The following TBC1D19 variants were observed in gnomAD, a reference collection of about 807,000 sequenced individuals.
TBC1D19 encodes TBC1 domain family, member 19.
In TBC1D19, 60 loss-of-function variants were observed where a neutral mutation model predicts 89.0. That is an observed-to-expected ratio of 0.67 (90% CI 0.55 to 0.84). The LOEUF is 0.84. Among genes scored for constraint, TBC1D19 ranks in the 40% least tolerant of loss-of-function variants. TBC1D19 has a pLI of 0.00. For missense variants in TBC1D19, 500 were observed against 610.8 expected (o/e 0.82, Z 1.91); for synonymous variants, 189 against 199.7 (o/e 0.95, Z 0.45).
At chr4:26,769,810 A>C in the TBC1D19 span, among the ~76,000 whole-genome samples, 1 of 152,088 alleles carries the variant, frequency 6.6e-6, no homozygotes, top group Non-Finnish European at 1.5e-5. Context: ...AGCCTCCAGA[A>C]GTGCTGGGAT....
At chr4:26,677,264 A>T (rs528575184) in intron 11 of TBC1D19, among the ~76,000 whole-genome samples, 285 of 151,324 alleles carry the variant, frequency 1.9e-3, no homozygotes, top group African/African-American at 6.6e-3. Flanking sequence ...TGCCTGGATT[A>T]AAAAAAAACA....
chr4:26,616,712 TTTC>T (rs1741724680), intron 3 of TBC1D19, among the ~76,000 whole-genome samples: 1 of 152,186 alleles, frequency 6.6e-6, no homozygotes, highest in Non-Finnish European at 1.5e-5. Context: ...TTTTAGTCAG[TTTC>T]TTATTTAACA....
chr4:26,682,702 G>C (rs1713461874), intron 11 of TBC1D19, among the ~76,000 whole-genome samples: 1 of 152,156 alleles, frequency 6.6e-6, no homozygotes, highest in Non-Finnish European at 1.5e-5. Flanking sequence ...TGCATCTCTT[G>C]TTAGCATAAC....
At chr4:26,592,697 GACAA>G (rs1418684980) in intron 1 of TBC1D19, among the ~76,000 whole-genome samples, 3 of 150,784 alleles carry the variant, frequency 2.0e-5, no homozygotes, top group Non-Finnish European at 4.5e-5. Flanking sequence ...ACCAATAACA[GACAA>G]ACAGAGAGCC....
the TBC1D19 span, among the ~76,000 whole-genome samples, chr4:26,800,690 T>A: frequency 6.6e-6 from 1 of 152,246 alleles, no homozygotes; most frequent in African/African-American, 2.4e-5. Context: ...TTTTTAATGA[T>A]CCTCATTCTA....
chr4:26,659,621 A>G lies in TBC1D19; in HGVS notation c.505A>G (p.Asn169Asp). The G allele has an allele frequency of 6.3e-7, 1 of 1,589,312 alleles. No homozygotes were observed. Among genetic ancestry groups the G allele is most frequent in the Non-Finnish European group, 8.6e-7 (1 of 1,163,054 alleles). The change falls in exon 8 of 21, where the codon AAT becomes GAT. Residue 169 changes from asparagine to aspartate, a missense_variant. By Grantham distance (23) the Asn-to-Asp change is conservative. Coordinates refer to ENST00000264866, the MANE Select transcript of TBC1D19 (RefSeq NM_018317.4). The part of the protein sequence containing the change: ...LEVLINLRNP[N>D]YENGDSLSFR... ...GGTATTAATTAATCTTCGCAACCCA[A>G]ATTATGAAAACGGTGATTCTCTTAG...
At chr4:26,673,446 T>TATATGCACACACACAC (rs373807642) in intron 10 of TBC1D19, among the ~76,000 whole-genome samples, 1 of 90,884 alleles carries the variant, frequency 1.1e-5, no homozygotes, top group African/African-American at 4.3e-5. Context: ...TATATATATA[T>TATATGCACACACACAC]ACACACACAC....
At position 26,613,197 on chromosome 4, in the gene TBC1D19, T is replaced by A. The variant is rs758594752; in HGVS notation, c.128T>A (p.Leu43His). 5 of 1,580,644 alleles carry A rather than the reference T, an allele frequency of 3.2e-6. No homozygotes were observed. The South Asian group carries it at 5.9e-5, about 19-fold the overall frequency. ...WASLQRPEIKLESLKEDIKEF... is the reference protein window; with the variant it reads ...WASLQRPEIKHESLKEDIKEF... ...AGTCTTCAGAGACCTGAGATTAAACTTGAATCACTGAAAGAAGATATTAAG... is the reference window on the plus strand; with the variant it reads ...AGTCTTCAGAGACCTGAGATTAAACATGAATCACTGAAAGAAGATATTAAG... The change falls in exon 2 of 21, where the codon CTT (leucine) becomes CAT (histidine). Residue 43 changes from leucine (L) to histidine (H), a missense_variant. Leu to His is a moderately conservative substitution (Grantham distance 99, BLOSUM62 -3). Around this residue, in one of 2 missense-constraint regions of TBC1D19, gnomAD observed 280 missense variants for 291.7 expected, o/e 0.96. Transcript: ENST00000264866.
the TBC1D19 span, among the ~76,000 whole-genome samples, chr4:26,767,732 G>A: frequency 6.6e-6 from 1 of 152,144 alleles, no homozygotes; most frequent in African/African-American, 2.4e-5. Flanking sequence ...GCTAAATTTT[G>A]TTATAGCAGC....
chr4:26,628,130 T>G (rs1742552981), intron 4 of TBC1D19, among the ~76,000 whole-genome samples: 1 of 152,184 alleles, frequency 6.6e-6, no homozygotes, highest in Non-Finnish European at 1.5e-5. Context: ...CCAGCATCAT[T>G]TATTAAATAG....
intron 15 of TBC1D19, among the ~76,000 whole-genome samples, chr4:26,725,570 C>A (rs1717260212): frequency 6.6e-6 from 1 of 152,098 alleles, no homozygotes; most frequent in Non-Finnish European, 1.5e-5. Flanking sequence ...CACCACCATG[C>A]TGGGCTGATT....
chr4:26,840,448 C>A, the TBC1D19 span, among the ~76,000 whole-genome samples: 1 of 151,828 alleles, frequency 6.6e-6, no homozygotes, highest in Non-Finnish European at 1.5e-5. Context: ...TCACTGTAGA[C>A]CTCCGAGGAG....
intron 8 of TBC1D19, among the ~76,000 whole-genome samples, chr4:26,662,406 CA>C (rs1745273836): frequency 6.6e-6 from 1 of 151,556 alleles, no homozygotes; most frequent in Non-Finnish European, 1.5e-5. Context: ...GAAGATGAAG[CA>C]AAAAGCCAAA....
chr4:26,669,974 A>G (rs143767455), intron 9 of TBC1D19, among the ~76,000 whole-genome samples: 89 of 151,820 alleles, frequency 5.9e-4, no homozygotes, highest in Middle Eastern at 3.4e-3. Context: ...ATAACTGAGA[A>G]GAACCAGTTA....
intron 17 of TBC1D19, 63 bp downstream of exon 17, chr4:26,740,036 T>C (rs111287110): frequency 9.2e-7 from 1 of 1,092,204 alleles, no homozygotes; most frequent in Non-Finnish European, 1.3e-6. Context: ...TTCTTTCTGT[T>C]AAGAAAAAGT....
the TBC1D19 span, among the ~76,000 whole-genome samples, chr4:26,846,832 A>G: frequency 6.6e-6 from 1 of 151,722 alleles, no homozygotes; most frequent in Non-Finnish European, 1.5e-5. Flanking sequence ...ACTGCCAACC[A>G]CTCTTATTGA....
At chr4:26,747,212 G>C (rs1718698794) in intron 18 of TBC1D19, among the ~76,000 whole-genome samples, 1 of 152,044 alleles carries the variant, frequency 6.6e-6, no homozygotes, top group Non-Finnish European at 1.5e-5. Flanking sequence ...TTTCTATATT[G>C]GTGGGTGGGG....
the TBC1D19 span, among the ~76,000 whole-genome samples, chr4:26,762,007 A>G: frequency 6.6e-6 from 1 of 152,126 alleles, no homozygotes; most frequent in African/African-American, 2.4e-5. Flanking sequence ...ATGGTGGCAC[A>G]TGCCTGTAAT....
At chr4:26,791,756 A>G in the TBC1D19 span, among the ~76,000 whole-genome samples, 1 of 152,260 alleles carries the variant, frequency 6.6e-6, no homozygotes, top group Non-Finnish European at 1.5e-5. Flanking sequence ...TAGAGCTGCC[A>G]TTTAGTGAAC....
Sources: allele counts gnomAD v4.1 joint callset (sites outside exome capture counted in the v4.1 genomes callset), GRCh38; gene constraint gnomAD v4.1.1; regional missense constraint gnomAD v4.1.1; transcripts MANE v1.5; gene names NCBI Gene and HGNC (gene_info 2026-07-23, HGNC 2026-07-21).